Variants in PLCB1 observed in about 807,000 individuals in gnomAD.
The protein encoded by PLCB1 is phospholipase C beta 1.
A neutral mutation model predicts 161.8 loss-of-function variants in PLCB1; 46 were observed. The observed-to-expected ratio is 0.28, with a 90% confidence interval of 0.22 to 0.36. The LOEUF is 0.36. Among genes scored for constraint, PLCB1 ranks in the 10% least tolerant of loss-of-function variants. The pLI is 1.00. For missense variants in PLCB1, 1,016 were observed against 1,472.5 expected (o/e 0.69, Z 5.07); for synonymous variants, 517 against 503.7 (o/e 1.03, Z -0.35).
chr20:8,539,637 T>TTTCTTTCTTTCTTTCTTTCTTTCC (rs1568499430), intron 3 of PLCB1, among the ~76,000 whole-genome samples: 20 of 91,108 alleles, frequency 2.2e-4, no homozygotes, highest in African/African-American at 8.1e-4. Context: ...TCTTTCTTTC[T>TTTCTTTCTTTCTTTCTTTCTTTCC]TTCTTTCTTT....
chr20:8,321,679 A>G (rs927331721), intron 2 of PLCB1, among the ~76,000 whole-genome samples: 1 of 152,172 alleles, frequency 6.6e-6, no homozygotes, highest in Non-Finnish European at 1.5e-5. Context: ...GACTGGCTTT[A>G]TAACAGTGCA....
chr20:8,137,194 T>C (rs558792932), intron 1 of PLCB1, among the ~76,000 whole-genome samples: 1 of 152,332 alleles, frequency 6.6e-6, no homozygotes, highest in Admixed American at 6.5e-5. Flanking sequence ...CACAAAAGCT[T>C]AGAACTTTTG....
chr20:8,257,204 A>G (rs1430069213), intron 2 of PLCB1, among the ~76,000 whole-genome samples: 2 of 152,140 alleles, frequency 1.3e-5, no homozygotes, highest in East Asian at 3.9e-4. Flanking sequence ...CTAACATGTC[A>G]TTTACAGTTT....
At chr20:8,809,022 G>C (rs747289080) in intron 31 of PLCB1, among the ~76,000 whole-genome samples, 5 of 152,034 alleles carry the variant, frequency 3.3e-5, no homozygotes, top group Non-Finnish European at 5.9e-5. Context: ...TTTTAAGACA[G>C]GGTCTCACTG....
chr20:8,875,445 T>C (rs1600108863), intron 31 of PLCB1, among the ~76,000 whole-genome samples: 3 of 147,370 alleles, frequency 2.0e-5, no homozygotes, highest in East Asian at 1.9e-4. Context: ...TATTAATATA[T>C]GTAATACATT....
intron 3 of PLCB1, among the ~76,000 whole-genome samples, chr20:8,439,711 C>A (rs1348389649): frequency 6.6e-6 from 1 of 152,294 alleles, no homozygotes; most frequent in East Asian, 1.9e-4. Flanking sequence ...ATATTTTCTA[C>A]ATTCTGCCTT....
At chr20:8,485,993 G>A (rs886599704) in intron 3 of PLCB1, among the ~76,000 whole-genome samples, 15 of 152,154 alleles carry the variant, frequency 9.9e-5, no homozygotes, top group Non-Finnish European at 1.5e-4. Context: ...ACTTACAATC[G>A]TGGTGGAAGG....
rs976292840 is a variant in PLCB1 at position 8,594,296 on chromosome 20, C to G, written c.247-33998C>G. On this transcript the variant is annotated intron_variant, in intron 3 of 31. Coordinates refer to ENST00000338037, the MANE Select transcript of PLCB1 (RefSeq NM_015192.4). ...AAACTCTCTTGAGAAACTTGTTGCC[C>G]TCCTGAAAATTCTGTCTGGAATGGG... Among the ~76,000 whole-genome samples, 3 of 152,086 alleles carry G rather than the reference C, an allele frequency of 2.0e-5. 1 individual carries two copies. Among genetic ancestry groups the G allele is most frequent in the Admixed American group, 2.0e-4 (3 of 15,248 alleles).
At chr20:8,464,959 T>G (rs1331630506) in intron 3 of PLCB1, among the ~76,000 whole-genome samples, 1 of 152,182 alleles carries the variant, frequency 6.6e-6, no homozygotes, top group Non-Finnish European at 1.5e-5. Flanking sequence ...CTAGATATTC[T>G]TTTTGCTTTA....
intron 3 of PLCB1, among the ~76,000 whole-genome samples, chr20:8,594,175 A>G (rs2123117293): frequency 6.6e-6 from 1 of 152,304 alleles, no homozygotes; most frequent in East Asian, 1.9e-4. Context: ...TGCTAGGACT[A>G]CAGGCATGAA....
At chr20:8,589,322 G>A (rs2123102901) in intron 3 of PLCB1, among the ~76,000 whole-genome samples, 1 of 152,318 alleles carries the variant, frequency 6.6e-6, no homozygotes, top group Admixed American at 6.5e-5. Flanking sequence ...AGTAGCATGT[G>A]GAGAATTAGA....
intron 31 of PLCB1, chr20:8,802,044 T>C (rs1984305384): frequency 6.6e-7 from 1 of 1,511,972 alleles, no homozygotes; most frequent in Non-Finnish European, 9.2e-7. Flanking sequence ...GCCTCCCTTT[T>C]TTTCCACACA....
At chr20:8,805,136 T>C (rs1984473617) in intron 31 of PLCB1, among the ~76,000 whole-genome samples, 1 of 152,216 alleles carries the variant, frequency 6.6e-6, no homozygotes, top group African/African-American at 2.4e-5. Context: ...GTTGGAATTT[T>C]ACATTTTTTA....
intron 31 of PLCB1, among the ~76,000 whole-genome samples, chr20:8,797,464 C>T (rs1444563689): frequency 6.6e-6 from 1 of 152,080 alleles, no homozygotes; most frequent in Non-Finnish European, 1.5e-5. Flanking sequence ...TCTCCTCTGT[C>T]AATGAATTGT....
intron 2 of PLCB1, among the ~76,000 whole-genome samples, chr20:8,353,942 C>T (rs1382529060): frequency 6.6e-6 from 1 of 151,552 alleles, no homozygotes; most frequent in Non-Finnish European, 1.5e-5. Flanking sequence ...ATAGGGAGAA[C>T]TGCCTGTGAC....
At chr20:8,375,770 G>T (rs568647875) in intron 3 of PLCB1, among the ~76,000 whole-genome samples, 6 of 151,958 alleles carry the variant, frequency 3.9e-5, no homozygotes, top group African/African-American at 9.7e-5. Flanking sequence ...TATGAAATGG[G>T]GCATGGGATA....
At chr20:8,487,212 T>C (rs547813057) in intron 3 of PLCB1, among the ~76,000 whole-genome samples, 1 of 152,362 alleles carries the variant, frequency 6.6e-6, no homozygotes, top group Admixed American at 6.5e-5. Flanking sequence ...GGTTATTTTT[T>C]CCTTGTTCAC....
intron 3 of PLCB1, among the ~76,000 whole-genome samples, chr20:8,475,014 C>CACACACACACACACACACAG (rs1982212267): frequency 2.7e-5 from 4 of 147,408 alleles, no homozygotes; most frequent in Non-Finnish European, 1.5e-5. Flanking sequence ...CACACAGACA[C>CACACACACACACACACACAG]ACACACACAC....
intron 3 of PLCB1, among the ~76,000 whole-genome samples, chr20:8,503,045 C>A (rs887884152): frequency 1.3e-5 from 2 of 152,124 alleles, no homozygotes; most frequent in African/African-American, 2.4e-5. Context: ...GGACATTTGG[C>A]AACTGAGTTG....
Sources: gnomAD v4.1 joint callset for allele counts (sites outside exome capture counted in the v4.1 genomes callset) on GRCh38, gnomAD v4.1.1 for gene constraint, MANE v1.5 for transcripts, NCBI Gene and HGNC (gene_info 2026-07-23, HGNC 2026-07-21) for gene names.